CHCHD6: variants seen among roughly 807,000 people sequenced by gnomAD.
CHCHD6 encodes MICOS complex subunit MIC25.
In CHCHD6, 28 loss-of-function variants were observed where a neutral mutation model predicts 32.3. The observed-to-expected ratio is 0.87, with a 90% CI of 0.64 to 1.19. The LOEUF is 1.19. Among genes scored for constraint, CHCHD6 ranks in the 50% most tolerant of loss-of-function variants. The pLI, the probability that CHCHD6 is intolerant of heterozygous loss-of-function variation, is 0.00. For missense variants in CHCHD6, 333 were observed against 307.0 expected, an observed-to-expected ratio of 1.08 and a Z score of -0.63; for synonymous variants, 122 against 117.5, an observed-to-expected ratio of 1.04 and a Z score of -0.25.
intron 5 of CHCHD6, among the ~76,000 whole-genome samples, chr3:126,889,934 A>C (rs1454491873): frequency 1.3e-5 from 2 of 152,346 alleles, no homozygotes; most frequent in East Asian, 3.9e-4. Flanking sequence ...CCCTGGGTAG[A>C]GGAACCATCA....
chr3:126,938,495 CTTAT>C (rs2078514957), intron 6 of CHCHD6, among the ~76,000 whole-genome samples: 1 of 152,182 alleles, frequency 6.6e-6, no homozygotes. Flanking sequence ...GGTAGCTGTT[CTTAT>C]TTATTATTGC....
At chr3:126,750,316 G>C (rs1192245240) in intron 4 of CHCHD6, among the ~76,000 whole-genome samples, 1 of 152,208 alleles carries the variant, frequency 6.6e-6, no homozygotes, top group Non-Finnish European at 1.5e-5. Context: ...GCTGACCTCA[G>C]GGCTTCCACT....
In CHCHD6 at chr3:126,915,104, G is replaced by A. The variant is rs570153300; in HGVS notation, c.566+354G>A. On this transcript the variant is annotated intron_variant, in intron 6 of 7. Coordinates refer to ENST00000290913, the MANE Select transcript of CHCHD6 (RefSeq NM_032343.3). ...AGGAGTTGAGGCAGGGGTTCTGCTGGCTTCTCTCCCCTCTGACTGTGGAGG... is the reference window on the plus strand; with the variant it reads ...AGGAGTTGAGGCAGGGGTTCTGCTGACTTCTCTCCCCTCTGACTGTGGAGG... Among the ~76,000 whole-genome samples, 10 of 152,340 alleles carry A rather than the reference G, an allele frequency of 6.6e-5. 1 individual carries two copies. In the South Asian group the frequency reaches 2.1e-3, roughly 32 times the overall value.
chr3:126,828,929 A>AT (rs1280263121), intron 4 of CHCHD6, among the ~76,000 whole-genome samples: 2 of 152,062 alleles, frequency 1.3e-5, no homozygotes, highest in African/African-American at 4.8e-5. Context: ...CAAAGAACCA[A>AT]TTTTTGACTT....
intron 1 of CHCHD6, among the ~76,000 whole-genome samples, chr3:126,719,682 C>T (rs1480901652): frequency 6.6e-6 from 1 of 152,122 alleles, no homozygotes; most frequent in Non-Finnish European, 1.5e-5. Flanking sequence ...TCTCACCTGC[C>T]ATCCGAATGT....
intron 4 of CHCHD6, among the ~76,000 whole-genome samples, chr3:126,757,757 A>G (rs1322039839): frequency 6.6e-6 from 1 of 152,188 alleles, no homozygotes; most frequent in African/African-American, 2.4e-5. Flanking sequence ...GGGATTGGTG[A>G]GCACCTACGT....
intron 4 of CHCHD6, among the ~76,000 whole-genome samples, chr3:126,749,625 A>G (rs1241011266): frequency 6.6e-6 from 1 of 152,234 alleles, no homozygotes; most frequent in Non-Finnish European, 1.5e-5. Context: ...AAGGTAGTCC[A>G]AGACTGGTGG....
chr3:126,753,199 C>T (rs1936803221), intron 4 of CHCHD6, among the ~76,000 whole-genome samples: 1 of 152,082 alleles, frequency 6.6e-6, no homozygotes, highest in Non-Finnish European at 1.5e-5. Context: ...TTTCAGGGCC[C>T]AGGGAAGGCA....
intron 4 of CHCHD6, among the ~76,000 whole-genome samples, chr3:126,834,526 A>T (rs1940775863): frequency 1.3e-5 from 2 of 151,916 alleles, no homozygotes. Context: ...GAAGCAGGGG[A>T]GCTCCTAGGT....
chr3:126,715,699 C>T (rs190341022), intron 1 of CHCHD6, among the ~76,000 whole-genome samples: 15 of 152,212 alleles, frequency 9.9e-5, no homozygotes, highest in Non-Finnish European at 1.6e-4. Context: ...CTCTTTCCCA[C>T]GAGCCATACT....
chr3:126,904,491 G>A lies in CHCHD6; in HGVS notation c.496-10189G>A, dbSNP rs56144701. ...AATCACATTGTTAAAAAGCCTGTGCGGCTATTGCTAATTAACACAGCTATA... is the reference window on the plus strand; with the variant it reads ...AATCACATTGTTAAAAAGCCTGTGCAGCTATTGCTAATTAACACAGCTATA... On this transcript the variant is annotated intron_variant, in intron 5 of 7. Coordinates refer to ENST00000290913, the MANE Select transcript of CHCHD6 (RefSeq NM_032343.3). Among the ~76,000 whole-genome samples the A allele has an allele frequency of 7.3e-3, 1,106 of 152,296 alleles. 7 individuals carry two copies. The highest frequency in any genetic ancestry group is 0.012 in the Non-Finnish European group (812 of 68,034).
chr3:126,873,696 C>T (rs538741926), intron 5 of CHCHD6, among the ~76,000 whole-genome samples: 2 of 152,324 alleles, frequency 1.3e-5, no homozygotes, highest in East Asian at 3.9e-4. Context: ...GGTCTGTGGC[C>T]TTGACATTCT....
chr3:126,955,579 G>A (rs756269219), intron 6 of CHCHD6, among the ~76,000 whole-genome samples: 4 of 152,208 alleles, frequency 2.6e-5, no homozygotes, highest in Non-Finnish European at 5.9e-5. Flanking sequence ...TTACCTTGGC[G>A]CTGGTGTGGC....
At chr3:126,897,544 T>C (rs1418890621) in intron 5 of CHCHD6, among the ~76,000 whole-genome samples, 2 of 152,234 alleles carry the variant, frequency 1.3e-5, no homozygotes, top group African/African-American at 4.8e-5. Context: ...AGGCAGTTCA[T>C]GGTTTTGGGA....
intron 5 of CHCHD6, among the ~76,000 whole-genome samples, chr3:126,872,650 G>A (rs1313524004): frequency 6.6e-6 from 1 of 152,162 alleles, no homozygotes; most frequent in Non-Finnish European, 1.5e-5. Flanking sequence ...AACCTTCCTT[G>A]CCTGAGCTGC....
chr3:126,795,249 T>A (rs1938738540), intron 4 of CHCHD6, among the ~76,000 whole-genome samples: 1 of 152,194 alleles, frequency 6.6e-6, no homozygotes, highest in African/African-American at 2.4e-5. Context: ...TATAAGGTGT[T>A]TTCCCTAAAA....
intron 4 of CHCHD6, among the ~76,000 whole-genome samples, chr3:126,806,624 G>T (rs1054770050): frequency 6.6e-6 from 1 of 152,142 alleles, no homozygotes; most frequent in African/African-American, 2.4e-5. Flanking sequence ...TTCAACCATT[G>T]TGGAAGTCAG....
chr3:126,748,760 C>T (rs1198695428), intron 4 of CHCHD6, among the ~76,000 whole-genome samples: 1 of 152,122 alleles, frequency 6.6e-6, no homozygotes, highest in African/African-American at 2.4e-5. Context: ...CTATCCTGCC[C>T]CCTTTCTGCA....
chr3:126,923,727 A>T (rs1432193361), intron 6 of CHCHD6, among the ~76,000 whole-genome samples: 1 of 152,208 alleles, frequency 6.6e-6, no homozygotes, highest in Non-Finnish European at 1.5e-5. Context: ...TTACTTCTAA[A>T]GGTTGTTTTG....
Sources: allele counts gnomAD v4.1 joint callset (sites outside exome capture counted in the v4.1 genomes callset), GRCh38; gene constraint gnomAD v4.1.1; transcripts MANE v1.5; gene names NCBI Gene and HGNC (gene_info 2026-07-23, HGNC 2026-07-21).